ENPP1: variants seen among roughly 807,000 people sequenced by gnomAD.
The protein encoded by ENPP1 is ectonucleotide pyrophosphatase/phosphodiesterase family member 1.
A neutral mutation model predicts 122.8 loss-of-function variants in ENPP1; 73 were observed. That is an observed-to-expected ratio of 0.59 (90% CI 0.49 to 0.72). ENPP1 has a LOEUF of 0.72. Ranked by LOEUF, ENPP1 falls within the 30% of genes least tolerant of loss-of-function variation. The pLI is 0.00. For missense variants in ENPP1, 978 were observed against 1,128.1 expected (o/e 0.87, Z 1.91); for synonymous variants, 367 against 391.6 (o/e 0.94, Z 0.74).
At chr6:131,865,048 A>C in intron 11 of ENPP1, 110 bp downstream of exon 11, 1 of 770,124 alleles carries the variant, frequency 1.3e-6, no homozygotes, top group Non-Finnish European at 2.4e-6. Flanking sequence ...TTTCTGGAAA[A>C]AGCAAGTATT....
chr6:131,856,255 T>C (rs1042000170), intron 6 of ENPP1, among the ~76,000 whole-genome samples: 2 of 152,100 alleles, frequency 1.3e-5, no homozygotes, highest in East Asian at 1.9e-4. Context: ...ATGAGCATTT[T>C]TTCATGTGTT....
chr6:131,825,346 G>A (rs1781534188), intron 1 of ENPP1, among the ~76,000 whole-genome samples: 1 of 152,032 alleles, frequency 6.6e-6, no homozygotes, highest in African/African-American at 2.4e-5. Context: ...TTTTATTCCT[G>A]CTAGATTTTG....
chr6:131,863,783 G>T (rs1256462617), intron 9 of ENPP1, among the ~76,000 whole-genome samples: 1 of 151,876 alleles, frequency 6.6e-6, no homozygotes, highest in Non-Finnish European at 1.5e-5. Context: ...AGGCGTGGTG[G>T]TGCACGCCTG....
At chr6:131,877,880 T>A (rs1339989741) in intron 18 of ENPP1, 72 of 116,636 alleles carry the variant, frequency 6.2e-4, no homozygotes, top group African/African-American at 1.1e-3. Flanking sequence ...TATATATATA[T>A]ATATATATAT....
At position 131,891,906 on chromosome 6, in the gene ENPP1, G is replaced by A. The variant is rs544005674; in HGVS notation, c.*1395G>A. 3 of 151,700 alleles carry A rather than the reference G, an allele frequency of 2.0e-5. No homozygotes were observed. The East Asian group carries it at 5.8e-4, about 29-fold the overall frequency. The allele number at this position is 151,700 out of a possible 1,614,324, so 9.4% of individuals were successfully genotyped here. The stretch of plus-strand genomic sequence containing the variant: ...TCTGTCTAATCTGTTCTGCTGTTGA[G>A]CCCATTTATTCCTGATTTTTATATT... On this transcript the variant is annotated 3_prime_UTR_variant, in exon 25 of 25. Transcript: ENST00000647893.
At chr6:131,881,496 G>A (rs370937434) in intron 20 of ENPP1, among the ~76,000 whole-genome samples, 18 of 152,042 alleles carry the variant, frequency 1.2e-4, no homozygotes, top group African/African-American at 4.1e-4. Flanking sequence ...ATTGCTGTTC[G>A]GTGACTGTCC....
intron 1 of ENPP1, among the ~76,000 whole-genome samples, chr6:131,818,090 C>T (rs969873744): frequency 2.6e-5 from 4 of 151,930 alleles, no homozygotes; most frequent in African/African-American, 7.3e-5. Flanking sequence ...CTTTTTTTGA[C>T]GTTAGCAAGC....
intron 16 of ENPP1, among the ~76,000 whole-genome samples, chr6:131,875,491 G>A (rs1368369235): frequency 6.6e-6 from 1 of 151,852 alleles, no homozygotes; most frequent in Admixed American, 6.6e-5. Context: ...GCAGGATGAG[G>A]TTTATATTGC....
At chr6:131,851,018 C>G in intron 3 of ENPP1, 124 bp from the exon 4 acceptor site, 2 of 1,084,778 alleles carry the variant, frequency 1.8e-6, no homozygotes, top group Non-Finnish European at 2.8e-6. Context: ...CTGTGAGTGA[C>G]TAAGAGCTGT....
At position 131,893,949 on chromosome 6, in the gene ENPP1, C is replaced by CTTTTTTTTTTTTTTTT. The variant is rs564304453; in HGVS notation, c.*3453_*3468dup. ...GTGAAACCTTTATTTATCTTGATTT[C>CTTTTTTTTTTTTTTTT]TTTTTTTTTTTTTTTTTTTTTTTTT... On this transcript the variant is annotated 3_prime_UTR_variant, in exon 25 of 25. Coordinates refer to ENST00000647893, the MANE Select transcript of ENPP1 (RefSeq NM_006208.3). 3.2e-4 allele frequency: 19 copies of CTTTTTTTTTTTTTTTT among 59,502 alleles called. No individual in the cohort carries two copies. Among genetic ancestry groups the CTTTTTTTTTTTTTTTT allele is most frequent in the East Asian group, 1.2e-3 (2 of 1,690 alleles). 3.7% of individuals were successfully genotyped at this position (59,502 alleles called of 1,614,324 possible).
At chr6:131,845,035 T>A (rs1287848714) in intron 1 of ENPP1, among the ~76,000 whole-genome samples, 1 of 149,648 alleles carries the variant, frequency 6.7e-6, no homozygotes, top group Non-Finnish European at 1.5e-5. Context: ...CAATTTCAAT[T>A]CTTCATGGTT....
intron 1 of ENPP1, chr6:131,819,982 A>G: frequency 1.8e-6 from 1 of 562,138 alleles, no homozygotes; most frequent in Non-Finnish European, 3.4e-6. Context: ...AGTTTTGAAA[A>G]GCAAAACCAC....
At chr6:131,823,013 C>T (rs748666946) in intron 1 of ENPP1, among the ~76,000 whole-genome samples, 33 of 152,268 alleles carry the variant, frequency 2.2e-4, no homozygotes, top group Non-Finnish European at 3.7e-4. Flanking sequence ...ATTTCCCACA[C>T]GCGGGATAAC....
rs1448304801 is a variant in ENPP1, at chr6:131,889,679, C to T, written c.2608-662C>T. Among the ~76,000 whole-genome samples, 5 of 152,266 alleles carry T rather than the reference C, an allele frequency of 3.3e-5. No individual in the cohort carries two copies. The South Asian group carries it at 1.0e-3, about 32-fold the overall frequency. ...TGTGTATGTACCACATTTTCTTGAT[C>T]CAGTCTATCATTGTTGGGCACTTAA... is the stretch of plus-strand genomic sequence containing the variant. On this transcript the variant is annotated intron_variant, in intron 24 of 24. Transcript: ENST00000647893.
intron 5 of ENPP1, among the ~76,000 whole-genome samples, chr6:131,853,575 G>C (rs139604290): frequency 6.6e-6 from 1 of 152,252 alleles, no homozygotes; most frequent in Non-Finnish European, 1.5e-5. Flanking sequence ...ATATACACTG[G>C]TTCTACAGAG....
chr6:131,859,686 G>A (rs1233152602), intron 7 of ENPP1, among the ~76,000 whole-genome samples: 1 of 152,154 alleles, frequency 6.6e-6, no homozygotes, highest in Non-Finnish European at 1.5e-5. Flanking sequence ...CTTGCCTCTA[G>A]TGGACAAGGG....
intron 22 of ENPP1, 68 bp from the exon 23 acceptor site, chr6:131,884,863 A>G: frequency 6.5e-7 from 1 of 1,527,252 alleles, no homozygotes; most frequent in Non-Finnish European, 9.1e-7. Context: ...TCATGGTGTT[A>G]ATTTATTTCA....
At chr6:131,887,892 G>A (rs1339216897) in intron 24 of ENPP1, among the ~76,000 whole-genome samples, 1 of 74,994 alleles carries the variant, frequency 1.3e-5, no homozygotes, top group Non-Finnish European at 2.5e-5. Context: ...TTGGAGTCTT[G>A]CTCTGTCACC....
At chr6:131,816,825 A>G (rs1391281092) in intron 1 of ENPP1, among the ~76,000 whole-genome samples, 2 of 152,172 alleles carry the variant, frequency 1.3e-5, no homozygotes, top group African/African-American at 2.4e-5. Flanking sequence ...TTTTTGATTG[A>G]TCCTCAATAC....
Sources: allele counts gnomAD v4.1 joint callset (sites outside exome capture counted in the v4.1 genomes callset), GRCh38; gene constraint gnomAD v4.1.1; transcripts MANE v1.5; gene names NCBI Gene and HGNC (gene_info 2026-07-23, HGNC 2026-07-21).